The following NAT10 variants were observed in gnomAD, a reference collection of about 807,000 sequenced individuals.
The protein encoded by NAT10 is N-acetyltransferase 10, also known as RNA cytidine acetyltransferase.
A neutral mutation model predicts 132.2 loss-of-function variants in NAT10; 109 were observed. The observed-to-expected ratio is 0.82, with a 90% confidence interval of 0.71 to 0.97. The LOEUF (loss-of-function observed/expected upper bound fraction) is 0.97, where lower values mean the gene tolerates loss of function less well. NAT10 is among the 50% of genes least tolerant of loss of function. NAT10 has a pLI of 0.00. For missense variants in NAT10, 1,184 were observed against 1,263.4 expected (o/e 0.94, Z 0.95); for synonymous variants, 479 against 478.0 (o/e 1.00, Z -0.03).
At chr11:34,107,298 A>C (rs1184402158) in intron 1 of NAT10, 1 of 151,702 alleles carries the variant, frequency 6.6e-6, no homozygotes, top group African/African-American at 2.4e-5. Flanking sequence ...ATGAACCACC[A>C]CTCCCGGCGA....
chr11:34,130,729 C>A, intron 12 of NAT10, 84 bp from the exon 13 acceptor site: 1 of 1,508,024 alleles, frequency 6.6e-7, no homozygotes, highest in Non-Finnish European at 9.1e-7. Flanking sequence ...GGTGTTTCAG[C>A]AGGTGGAGGA....
In NAT10 at chr11:34,135,206, TG is replaced by T. The variant is rs1434618036; in HGVS notation, c.1944del (p.Gln649ArgfsTer25). The T allele has an allele frequency of 5.0e-6, 8 of 1,614,084 alleles. No homozygotes were observed. The highest frequency in any genetic ancestry group is 1.3e-5 in the African/African-American group (1 of 74,938). ...MGYGSRALQL[L>X]QMYYEGRFPC... ...TATGGCAGCCGTGCTCTGCAGCTGCTGCAGATGTACTATGAAGGCAGGTTTC... is the reference window on the plus strand; with the variant it reads ...TATGGCAGCCGTGCTCTGCAGCTGCTCAGATGTACTATGAAGGCAGGTTTC... On this transcript the variant is annotated frameshift_variant, in exon 19 of 29. Coordinates refer to ENST00000257829, the MANE Select transcript of NAT10 (RefSeq NM_024662.3). LOFTEE classifies it high-confidence loss of function.
chr11:34,133,890 C>T (rs544594920), intron 16 of NAT10, among the ~76,000 whole-genome samples: 3 of 151,810 alleles, frequency 2.0e-5, no homozygotes, highest in Non-Finnish European at 2.9e-5. Context: ...CCATGGCTCA[C>T]GCCTGTAATC....
intron 4 of NAT10, among the ~76,000 whole-genome samples, chr11:34,113,158 G>T (rs1851724764): frequency 1.3e-5 from 2 of 152,142 alleles, no homozygotes; most frequent in South Asian, 4.1e-4. Flanking sequence ...AATGACTCCT[G>T]TGAGCAGTAG....
intron 27 of NAT10, among the ~76,000 whole-genome samples, chr11:34,142,873 T>A (rs1852365154): frequency 6.6e-6 from 1 of 152,212 alleles, no homozygotes; most frequent in African/African-American, 2.4e-5. Context: ...CTCTGTGACC[T>A]GTAGTCCTGT....
At chr11:34,114,216 C>G (rs1851746647) in intron 5 of NAT10, among the ~76,000 whole-genome samples, 1 of 152,186 alleles carries the variant, frequency 6.6e-6, no homozygotes, top group African/African-American at 2.4e-5. Flanking sequence ...GGCCCTTATC[C>G]TAATGGATGA....
intron 6 of NAT10, among the ~76,000 whole-genome samples, chr11:34,117,695 C>T (rs1332557128): frequency 1.3e-5 from 2 of 152,104 alleles, no homozygotes; most frequent in East Asian, 1.9e-4. Flanking sequence ...CTTGCAAGAA[C>T]GTTTGTATTG....
In NAT10 at chr11:34,139,456, A is replaced by G. The variant is rs764036678; in HGVS notation, c.2380A>G (p.Ile794Val). 9.3e-6 allele frequency: 15 copies of G among 1,614,014 alleles called. No homozygotes were observed. In the East Asian group the frequency reaches 2.2e-4, roughly 24 times the overall value. ...STFSPSLALN[I>V]IQNRNMGKPA... ...CTTCTCTCCTTCCCTGGCTCTGAACATCATTCAGAACAGGAACATGGGGAA... is the reference window on the plus strand; with the variant it reads ...CTTCTCTCCTTCCCTGGCTCTGAACGTCATTCAGAACAGGAACATGGGGAA... The change falls in exon 23 of 29, where the codon ATC becomes GTC. Residue 794 changes from isoleucine to valine, a missense_variant. By Grantham distance (29) the Ile-to-Val change is conservative (BLOSUM62 3). Transcript: ENST00000257829.
At chr11:34,128,200 A>G (rs997046786) in intron 12 of NAT10, among the ~76,000 whole-genome samples, 6 of 152,034 alleles carry the variant, frequency 3.9e-5, no homozygotes, top group African/African-American at 1.4e-4. Flanking sequence ...CTAAAAATAC[A>G]AAAATTAGCT....
Position 34,140,451 on chromosome 11 carries a change from G to C in NAT10, c.2471G>C (p.Arg824Pro), listed in dbSNP as rs199507528. ...EALFLPYDLK[R>P]LEMYSRNMVD... ...CTCTTCCTCCCCTATGACCTGAAGC[G>C]GCTGGAGATGTATTCACGGAATATG... The change falls in exon 24 of 29, where the codon CGG (arginine) becomes CCG (proline). Residue 824 changes from arginine (R) to proline (P), a missense_variant. By Grantham distance (103) the Arg-to-Pro change is moderately radical. Coordinates refer to ENST00000257829, the MANE Select transcript of NAT10 (RefSeq NM_024662.3). The C allele has an allele frequency of 2.5e-6, 4 of 1,614,106 alleles. No homozygotes were observed. Among genetic ancestry groups the C allele is most frequent in the Non-Finnish European group, 3.4e-6 (4 of 1,180,038 alleles).
At chr11:34,114,415 A>T (rs1851749640) in intron 5 of NAT10, among the ~76,000 whole-genome samples, 1 of 152,156 alleles carries the variant, frequency 6.6e-6, no homozygotes, top group Non-Finnish European at 1.5e-5. Flanking sequence ...GCAAGTTTTA[A>T]GTCATGCCCA....
chr11:34,112,636 A>G (rs192351604), intron 4 of NAT10, among the ~76,000 whole-genome samples: 4 of 152,300 alleles, frequency 2.6e-5, no homozygotes, highest in Admixed American at 2.0e-4. Flanking sequence ...TCCTGTCCAG[A>G]GTGCCTGAGT....
At position 34,141,408 on chromosome 11, in the gene NAT10, T is replaced by TCACACA. The variant is rs59489457; in HGVS notation, c.2712+238_2712+243dup. Among the ~76,000 whole-genome samples, 597 of 132,922 alleles carry TCACACA rather than the reference T, an allele frequency of 4.5e-3. 3 individuals carry two copies. The highest frequency in any genetic ancestry group is 0.016 in the African/African-American group (568 of 35,150). The allele number at this position is 132,922 out of a possible 152,430, so 87.2% of individuals were successfully genotyped here. The stretch of plus-strand genomic sequence containing the variant: ...TGTGTTTGCTGCATCTCATCACACA[T>TCACACA]CACACACACACACACACACACACAC... On this transcript the variant is annotated intron_variant, in intron 25 of 28. Transcript: ENST00000257829.
intron 1 of NAT10, 89 bp downstream of exon 1, chr11:34,105,881 G>C (rs1020121754): frequency 6.6e-6 from 1 of 152,338 alleles, no homozygotes; most frequent in Non-Finnish European, 1.5e-5. Flanking sequence ...CAGGATGAAG[G>C]CTCTGCATCC....
chr11:34,108,347 A>G lies in NAT10; in HGVS notation c.108+14A>G. On this transcript the variant is annotated intron_variant, in intron 2 of 28. Transcript: ENST00000257829. ...GGAAAAGATCAGGTATGGCCTGGTA[A>G]ATGCTTCCTGAATTACTTTTTATCT... The G allele has an allele frequency of 6.3e-7, 1 of 1,587,754 alleles. No individual in the cohort carries two copies. Among genetic ancestry groups the G allele is most frequent in the Non-Finnish European group, 8.6e-7 (1 of 1,156,414 alleles).
intron 6 of NAT10, among the ~76,000 whole-genome samples, chr11:34,116,893 C>A (rs905535407): frequency 6.6e-6 from 1 of 151,584 alleles, no homozygotes; most frequent in Non-Finnish European, 1.5e-5. Flanking sequence ...CCGTGCCTGG[C>A]CATTTTTTGT....
At chr11:34,108,410 T>A (rs1046788238) in intron 2 of NAT10, 77 bp downstream of exon 2, 2 of 1,189,408 alleles carry the variant, frequency 1.7e-6, no homozygotes, top group African/African-American at 1.5e-5. Context: ...CTCTGCTGTT[T>A]CAGGACATAA....
intron 3 of NAT10, among the ~76,000 whole-genome samples, chr11:34,110,097 AAT>A (rs1247206610): frequency 4.6e-5 from 7 of 152,014 alleles, no homozygotes; most frequent in African/African-American, 1.4e-4. Flanking sequence ...TCACCTAAGA[AAT>A]AGTCTCCTTT....
intron 5 of NAT10, among the ~76,000 whole-genome samples, chr11:34,114,408 A>T (rs1851749512): frequency 1.3e-5 from 2 of 151,964 alleles, no homozygotes; most frequent in South Asian, 4.1e-4. Context: ...TTCAGAGGCA[A>T]GTTTTAAGTC....
Sources: allele counts gnomAD v4.1 joint callset (sites outside exome capture counted in the v4.1 genomes callset), GRCh38; gene constraint gnomAD v4.1.1; transcripts MANE v1.5; gene names NCBI Gene and HGNC (gene_info 2026-07-23, HGNC 2026-07-21).